PLEC: variants seen among roughly 807,000 people sequenced by gnomAD.
PLEC encodes plectin.
In PLEC, 216 loss-of-function variants were observed where a neutral mutation model predicts 392.8. That is an observed-to-expected ratio of 0.55 (90% CI 0.49 to 0.62). The LOEUF (loss-of-function observed/expected upper bound fraction) is 0.62, where lower values mean the gene tolerates loss of function less well. Ranked by LOEUF, PLEC falls within the 20% of genes least tolerant of loss-of-function variation. PLEC has a pLI of 0.00. For missense variants in PLEC, 6,863 were observed against 6,563.4 expected (o/e 1.05, Z -1.58); for synonymous variants, 3,621 against 2,980.6 (o/e 1.21, Z -7.00).
chr8:143,952,228 G>C (rs781137350), upstream of PLEC, among the ~76,000 whole-genome samples: 68 of 145,002 alleles, frequency 4.7e-4, 1 homozygote, highest in Non-Finnish European at 6.1e-5. Context: ...ACACGCACGC[G>C]CACGCGCACG....
In PLEC at chr8:143,959,734, C is replaced by A. The variant is rs559807107; in HGVS notation, c.70+13669G>T. Among the ~76,000 whole-genome samples, 13 of 152,372 alleles carry A rather than the reference C, an allele frequency of 8.5e-5. No individual in the cohort carries two copies. In the East Asian group the frequency reaches 2.1e-3, roughly 25 times the overall value. On this transcript the variant is annotated intron_variant, in intron 1 of 31. Transcript: ENST00000356346. The stretch of plus-strand genomic sequence containing the variant: ...GTCTGAAACCTGGTGTGGTGGCTCA[C>A]GCCTGTAATCCCAGCACTGTGGGAG...
rs1554669903 is a variant in PLEC at position 143,916,681 on chromosome 8, G to GTAGA, written c.13136_13139dup (p.Tyr4381LeufsTer48). The GTAGA allele has an allele frequency of 6.2e-7, 1 of 1,612,064 alleles. No individual in the cohort carries two copies. Among genetic ancestry groups the GTAGA allele is most frequent in the South Asian group, 1.1e-5 (1 of 91,066 alleles). ...CCAGGAAGCGCTGGCCGGCCTCGTAGTAGAGCCAGCCCTTCTTCAGGGCCT... is the reference window on the plus strand; with the variant it reads ...CCAGGAAGCGCTGGCCGGCCTCGTAGTAGATAGAGCCAGCCCTTCTTCAGGGCCT... On this transcript the variant is annotated frameshift_variant, in exon 32 of 32. Transcript: ENST00000345136. LOFTEE classifies it high-confidence loss of function.
In PLEC at chr8:143,922,644, T is replaced by A; in HGVS notation, c.7285A>T (p.Thr2429Ser). 6.2e-7 allele frequency: 1 copy of A among 1,613,484 alleles called. No homozygotes were observed. The change falls in exon 31 of 32, where the codon ACC becomes TCC. Residue 2429 changes from threonine (T) to serine (S), a missense_variant. Physicochemically the swap from Thr to Ser is moderately conservative, Grantham distance 58 (BLOSUM62 1). Coordinates refer to ENST00000345136, the MANE Select transcript of PLEC (RefSeq NM_201384.3). ...TGGATCTCCAGTGTCTGCACCAGGG[T>A]CACCTTCTCCTGGGTGGCGAGCTCC... ...RTELATQEKVTLVQTLEIQRQ... is the reference protein window; with the variant it reads ...RTELATQEKVSLVQTLEIQRQ...
chr8:143,960,549 G>A (rs1355942688), intron 1 of PLEC, among the ~76,000 whole-genome samples: 4 of 151,996 alleles, frequency 2.6e-5, no homozygotes, highest in East Asian at 3.8e-4. Context: ...CCCGGGAGGC[G>A]GAGGTTGCAG....
chr8:143,929,340 G>A (rs1370958487), intron 24 of PLEC, 59 bp from the exon 25 acceptor site: 9 of 1,570,624 alleles, frequency 5.7e-6, no homozygotes, highest in Middle Eastern at 3.3e-4. Flanking sequence ...AGCGCCCCTT[G>A]AAGGCCAAAG....
At chr8:143,928,523 C>T (rs1826040238) in intron 25 of PLEC, among the ~76,000 whole-genome samples, 1 of 96,776 alleles carries the variant, frequency 1.0e-5, no homozygotes, top group Non-Finnish European at 2.1e-5. Flanking sequence ...AGCGGGTGGA[C>T]CTGTGGTTTG....
intron 12 of PLEC, among the ~76,000 whole-genome samples, chr8:143,933,618 T>G (rs1339118206): frequency 1.3e-5 from 2 of 152,226 alleles, no homozygotes; most frequent in East Asian, 3.9e-4. Flanking sequence ...TCATCCTCCA[T>G]CACCCACCCT....
In PLEC at chr8:143,924,093, G is replaced by A. The variant is rs782710578; in HGVS notation, c.5836C>T (p.Leu1946=). The change falls in exon 31 of 32, where the codon CTG becomes TTG. Residue 1946 remains leucine (L), a synonymous_variant. Coordinates refer to ENST00000345136, the MANE Select transcript of PLEC (RefSeq NM_201384.3). ...KAAAGKAELE[L]ELGRIRSNAE... ...TTGCTGCGGATGCGTCCCAGCTCCAGCTCCAGCTCCGCCTTGCCAGCGGCC... is the reference window on the plus strand; with the variant it reads ...TTGCTGCGGATGCGTCCCAGCTCCAACTCCAGCTCCGCCTTGCCAGCGGCC... 2 of 1,598,076 alleles carry A rather than the reference G, an allele frequency of 1.3e-6. No homozygotes were observed. The highest frequency in any genetic ancestry group is 1.7e-6 in the Non-Finnish European group (2 of 1,179,060).
chr8:143,944,024 C>T (rs1831020455), upstream of PLEC: 11 of 1,364,830 alleles, frequency 8.1e-6, no homozygotes, highest in South Asian at 1.3e-4. Flanking sequence ...GCCCGCAGGA[C>T]CGCCCCATAC....
rs377245125 is a variant in PLEC, at chr8:143,966,388, C to T, written c.70+7015G>A. On this transcript the variant is annotated intron_variant, in intron 1 of 31. Transcript: ENST00000356346. The stretch of plus-strand genomic sequence containing the variant: ...TTTCCTGCACCTCAGTGTCTGCACA[C>T]GCATACCTATCTCACAGGCATCTCT... 8.5e-5 allele frequency among the ~76,000 whole-genome samples: 13 copies of T among 152,342 alleles called. No homozygotes were observed. The South Asian group carries it at 1.0e-3, about 12-fold the overall frequency.
At chr8:143,957,084 C>G (rs141760562), upstream of PLEC, among the ~76,000 whole-genome samples, 3 of 152,064 alleles carry the variant, frequency 2.0e-5, no homozygotes, top group Non-Finnish European at 4.4e-5. Flanking sequence ...CGCCTGGAGA[C>G]GGGGCTACAG....
In PLEC at chr8:143,934,174, C is replaced by A. The variant is rs11782331; in HGVS notation, c.1170-83G>T. The A allele has an allele frequency of 0.37, 579,376 of 1,583,468 alleles. 111,519 individuals carry two copies. Among genetic ancestry groups the A allele is most frequent in the Non-Finnish European group, 0.4 (457,672 of 1,157,646 alleles). ...ACAGACTGCAGCTCGCCTCCCGCTCCGGTCTCCCTGGCTGTGGCCCACTGT... is the reference window on the plus strand; with the variant it reads ...ACAGACTGCAGCTCGCCTCCCGCTCAGGTCTCCCTGGCTGTGGCCCACTGT... On this transcript the variant is annotated intron_variant, in intron 11 of 31. Transcript: ENST00000345136.
Position 143,921,439 on chromosome 8 carries a change from C to T in PLEC, c.8382G>A (p.Lys2794=). The part of the protein sequence containing the change: ...QQISLFQAMQ[K]GLIVREHGIR... ...TGCCGTGCTCCCGGACGATGAGGCC[C>T]TTCTGCATGGCTTGGAAGAGAGAGA... The change falls in exon 32 of 32, where the codon AAG becomes AAA. Residue 2794 remains lysine, a synonymous_variant. Transcript: ENST00000345136. 6.2e-7 allele frequency: 1 copy of T among 1,613,492 alleles called. No homozygotes were observed. Among genetic ancestry groups the T allele is most frequent in the South Asian group, 1.1e-5 (1 of 91,076 alleles).
At position 143,923,134 on chromosome 8, in the gene PLEC, G is replaced by A. The variant is rs782009515; in HGVS notation, c.6795C>T (p.Phe2265=). 24 of 1,603,514 alleles carry A rather than the reference G, an allele frequency of 1.5e-5. No individual in the cohort carries two copies. The highest frequency in any genetic ancestry group is 5.5e-5 in the South Asian group (5 of 91,082). The stretch of plus-strand genomic sequence containing the variant: ...TCATCTTCTCAGCCTCCTCCTGCAG[G>A]AAGCGCTGCGTATTGTCCTTGTCAC... ...ILRDKDNTQR[F]LQEEAEKMKQ... is the part of the protein sequence containing the mutation. The change falls in exon 31 of 32, where the codon TTC becomes TTT. Residue 2265 remains phenylalanine (F), a synonymous_variant. Transcript: ENST00000345136.
rs1587224251 is a variant in PLEC at position 143,938,640 on chromosome 8, G to A, written c.165C>T (p.His55=). The part of the protein sequence containing the change: ...KKTFTKWVNK[H]LIKAQRHISD... ...AGCATGCGCCACCAACCTTGATGAG[G>A]TGCTTGTTGACCCACTTGGTGAAGG... is the stretch of plus-strand genomic sequence containing the variant. The change falls in exon 2 of 32, where the codon CAC becomes CAT. Residue 55 remains histidine (H), a synonymous_variant. Transcript: ENST00000345136. 1.2e-6 allele frequency: 2 copies of A among 1,613,804 alleles called. No individual in the cohort carries two copies. The highest frequency in any genetic ancestry group is 1.1e-5 in the South Asian group (1 of 91,080).
At chr8:143,948,623 G>T (rs1361340156) in intron 1 of PLEC, among the ~76,000 whole-genome samples, 1 of 152,204 alleles carries the variant, frequency 6.6e-6, no homozygotes, top group Non-Finnish European at 1.5e-5. Context: ...TGCTGCTGGC[G>T]GCTGTGGCTT....
At chr8:143,938,820 A>T (rs1829781089) in intron 1 of PLEC, 128 bp from the exon 2 acceptor site, 1 of 806,864 alleles carries the variant, frequency 1.2e-6, no homozygotes, top group East Asian at 2.5e-5. Context: ...CCTCCCTCAG[A>T]TCACACACTG....
Position 143,922,293 on chromosome 8 carries a change from C to T in PLEC, c.7528G>A (p.Glu2510Lys), listed in dbSNP as rs377605567. 94 of 1,606,938 alleles carry T rather than the reference C, an allele frequency of 5.8e-5. No homozygotes were observed. Among genetic ancestry groups the T allele is most frequent in the East Asian group, 2.9e-4 (13 of 44,878 alleles). ...DSLLQRERFI[E>K]QEKAKLEQLF... ...TGCTCCAGCTTGGCCTTCTCCTGCT[C>T]GATGAAGCGCTCCCGCTGTAGCAGG... The change falls in exon 32 of 32, where the codon GAG becomes AAG. Residue 2510 changes from glutamate (E) to lysine (K), a missense_variant. Coordinates refer to ENST00000345136, the MANE Select transcript of PLEC (RefSeq NM_201384.3).
rs782548278 is a variant in PLEC at position 143,918,817 on chromosome 8, C to T, written c.11004G>A (p.Glu3668=). The T allele has an allele frequency of 5.0e-6, 8 of 1,613,232 alleles. No homozygotes were observed. The South Asian group carries it at 8.8e-5, about 18-fold the overall frequency. Reference sequence around the variant, plus strand: ...GAGCCTCACGGAGGCTCCTGGTGCCCTCCCGGAGCAGGTTGTAGGTCTCGA... The same window carrying T: ...GAGCCTCACGGAGGCTCCTGGTGCCTTCCCGGAGCAGGTTGTAGGTCTCGA... ...ISLETYNLLR[E]GTRSLREALE... The change falls in exon 32 of 32, where the codon GAG becomes GAA. Residue 3668 remains glutamate, a synonymous_variant. Coordinates refer to ENST00000345136, the MANE Select transcript of PLEC (RefSeq NM_201384.3).
Sources: gnomAD v4.1 joint callset for allele counts (sites outside exome capture counted in the v4.1 genomes callset) on GRCh38, gnomAD v4.1.1 for gene constraint, MANE v1.5 for transcripts, NCBI Gene and HGNC (gene_info 2026-07-23, HGNC 2026-07-21) for gene names.